Variants in FGF13 observed in about 807,000 individuals in gnomAD.
FGF13 encodes the protein fibroblast growth factor 13.
FGF13 carries 2 observed loss-of-function variants against 19.5 expected under a neutral mutation model. The ratio of observed to expected loss-of-function variants is 0.10; its 90% confidence interval spans 0.04 to 0.32. The LOEUF is 0.32. FGF13 is among the 10% of genes least tolerant of loss of function. The probability of loss-of-function intolerance (pLI) is 1.00; values close to 1 mark genes in which losing one functional copy is unlikely to be tolerated. For missense variants in FGF13, 113 were observed against 192.7 expected (o/e 0.59, Z 2.45); for synonymous variants, 72 against 76.9 (o/e 0.94, Z 0.33).
chrX:139,077,742 TAA>T (rs1277134362), intron 1 of FGF13, among the ~76,000 whole-genome samples: 1 of 112,083 alleles, frequency 8.9e-6, no homozygotes, highest in Non-Finnish European at 1.9e-5. Context: ...GATTGCCACA[TAA>T]GAGTGAATCA....
intron 3 of FGF13, among the ~76,000 whole-genome samples, chrX:138,794,208 T>C (rs1218042158): frequency 8.9e-6 from 1 of 112,056 alleles, no homozygotes; most frequent in Non-Finnish European, 1.9e-5. Flanking sequence ...ACGATAAAAT[T>C]GTTTGGGTGA....
At chrX:138,963,796 G>A (rs1207138687) in intron 1 of FGF13, among the ~76,000 whole-genome samples, 1 of 111,609 alleles carries the variant, frequency 9.0e-6, no homozygotes, top group Non-Finnish European at 1.9e-5. Context: ...CATCCTATTT[G>A]AATGTTTAAA....
chrX:138,635,463 G>A lies in FGF13; in HGVS notation c.595C>T (p.Leu199=), dbSNP rs369966113. 1.7e-6 allele frequency: 2 copies of A among 1,208,830 alleles called. No homozygotes were observed. The highest frequency in any genetic ancestry group is 2.2e-6 in the Non-Finnish European group (2 of 892,885). ...CCCACAATATCAAATGTACCTTTCA[G>A]TGGTTTAGGCAGAAAATGAGCTGCA... ...KPAAHFLPKP[L]KVAMYKEPSL... is the part of the protein sequence containing the mutation. The change falls in exon 4 of 5, where the codon CTG becomes TTG. Residue 199 remains leucine, a synonymous_variant. Transcript: ENST00000315930.
At chrX:138,738,822 C>T (rs112504990) in intron 1 of FGF13, among the ~76,000 whole-genome samples, 11,161 of 111,298 alleles carry the variant, frequency 0.1, 541 homozygotes, top group Non-Finnish European at 0.15. Context: ...CATTAAAAGC[C>T]AATTATAATT....
At chrX:138,931,099 C>T (rs1199557972) in intron 1 of FGF13, among the ~76,000 whole-genome samples, 3 of 112,554 alleles carry the variant, frequency 2.7e-5, no homozygotes, top group Non-Finnish European at 1.9e-5. Flanking sequence ...GCCCTTATGG[C>T]CAATCTTTGG....
At position 138,623,379 on chromosome X, in the gene FGF13, A is replaced by C. The variant is rs770315669; in HGVS notation, c.*9471T>G. ...TTGGAAGATTTTGAGAAGGATTGGT[A>C]TTAGTTTTTCCTCAAATGTTGGGTG... On this transcript the variant is annotated 3_prime_UTR_variant, in exon 5 of 5. Coordinates refer to ENST00000315930, the MANE Select transcript of FGF13 (RefSeq NM_004114.5). 20 of 111,330 alleles carry C rather than the reference A, an allele frequency of 1.8e-4. No homozygotes were observed. Among genetic ancestry groups the C allele is most frequent in the Non-Finnish European group, 3.6e-4 (19 of 53,148 alleles). 9.2% of individuals were successfully genotyped at this position (111,330 alleles called of 1,213,427 possible).
At chrX:138,772,184 GA>G (rs1474360465) in intron 3 of FGF13, among the ~76,000 whole-genome samples, 1 of 106,944 alleles carries the variant, frequency 9.4e-6, no homozygotes, top group East Asian at 2.9e-4. Context: ...ATTTCAACTG[GA>G]AAAAAAGCAA....
chrX:139,105,379 T>C (rs1392723324), intron 1 of FGF13, among the ~76,000 whole-genome samples: 2 of 111,545 alleles, frequency 1.8e-5, no homozygotes, highest in Admixed American at 1.9e-4. Context: ...AGTCCTCTTC[T>C]GGTTGCAACC....
At chrX:139,009,488 G>T (rs767249113) in intron 1 of FGF13, among the ~76,000 whole-genome samples, 1 of 111,689 alleles carries the variant, frequency 9.0e-6, no homozygotes, top group South Asian at 3.7e-4. Context: ...AGGGACTGGG[G>T]CCTTATTTTT....
chrX:138,966,995 A>G (rs1017322325), intron 1 of FGF13, among the ~76,000 whole-genome samples: 1 of 110,640 alleles, frequency 9.0e-6, no homozygotes, highest in Non-Finnish European at 1.9e-5. Flanking sequence ...GGTGCCTTCC[A>G]CCATGATTTT....
At chrX:139,045,004 T>G (rs1359416811) in intron 1 of FGF13, among the ~76,000 whole-genome samples, 2 of 112,371 alleles carry the variant, frequency 1.8e-5, no homozygotes, top group East Asian at 5.6e-4. Flanking sequence ...CTAGTAGATG[T>G]TCTCTGTGGG....
In FGF13 at chrX:138,980,675, GTT is replaced by G. The variant is rs59636336; in HGVS notation, c.-112-116027_-112-116026del. Among the ~76,000 whole-genome samples, 375 of 84,896 alleles carry G rather than the reference GTT, an allele frequency of 4.4e-3. 2 individuals are homozygous for G. The highest frequency in any genetic ancestry group is 0.013 in the Middle Eastern group (2 of 150). 73.7% of individuals were successfully genotyped at this position (84,896 alleles called of 115,157 possible). On this transcript the variant is annotated intron_variant, in intron 1 of 2. Transcript: ENST00000421460. ...CACTATGGATGCTTCCAGAAGTGTG[GTT>G]TTTTTTTTTTTTTTTTTTTTGCATT... is the stretch of plus-strand genomic sequence containing the variant.
At chrX:138,777,766 G>A (rs1221798252) in intron 3 of FGF13, among the ~76,000 whole-genome samples, 1 of 111,386 alleles carries the variant, frequency 9.0e-6, no homozygotes, top group Non-Finnish European at 1.9e-5. Context: ...GAACCTTGAC[G>A]CCAAATCTCA....
At chrX:139,112,971 AGTGTGTGTGTGTGTGT>A (rs748975156) in intron 1 of FGF13, among the ~76,000 whole-genome samples, 101 of 87,741 alleles carry the variant, frequency 1.2e-3, no homozygotes, top group African/African-American at 3.2e-3. Flanking sequence ...TTGATTATGT[AGTGTGTGTGTGTGTGT>A]GTGTGTGTGT....
rs774893319 is a variant in FGF13 at position 138,621,881 on chromosome X, C to G, written c.*10969G>C. On this transcript the variant is annotated 3_prime_UTR_variant, in exon 5 of 5. Transcript: ENST00000315930. Reference sequence around the variant, plus strand: ...TTTCTAGAAACATACCACAACCTAGCAAGACTGAATCATGAATAGAGAATC... The same window carrying G: ...TTTCTAGAAACATACCACAACCTAGGAAGACTGAATCATGAATAGAGAATC... 14 of 110,806 alleles carry G rather than the reference C, an allele frequency of 1.3e-4. No individual in the cohort carries two copies. The highest frequency in any genetic ancestry group is 1.3e-4 in the Non-Finnish European group (7 of 52,790). The allele number at this position is 110,806 out of a possible 1,213,427, so 9.1% of individuals were successfully genotyped here.
At chrX:138,823,902 T>A (rs2091016050) in intron 3 of FGF13, among the ~76,000 whole-genome samples, 1 of 112,128 alleles carries the variant, frequency 8.9e-6, no homozygotes, top group South Asian at 3.7e-4. Context: ...AGGTGAAGCA[T>A]GTGAGTGAAC....
intron 1 of FGF13, among the ~76,000 whole-genome samples, chrX:139,160,871 A>AG (rs1303713128): frequency 8.9e-6 from 1 of 111,949 alleles, no homozygotes; most frequent in Non-Finnish European, 1.9e-5. Flanking sequence ...ACCAACCAAA[A>AG]AAACCCAGGA....
intron 1 of FGF13, among the ~76,000 whole-genome samples, chrX:139,134,944 G>A (rs752110604): frequency 6.3e-5 from 7 of 111,281 alleles, no homozygotes; most frequent in East Asian, 2.8e-4. Flanking sequence ...CACTGCAACC[G>A]GCCTGTCAAG....
At chrX:138,775,383 T>C (rs1036604080) in intron 3 of FGF13, among the ~76,000 whole-genome samples, 1 of 112,480 alleles carries the variant, frequency 8.9e-6, no homozygotes, top group African/African-American at 3.2e-5. Flanking sequence ...TTCATAGTTC[T>C]TGATTTCTTA....
Sources: allele counts gnomAD v4.1 joint callset (sites outside exome capture counted in the v4.1 genomes callset), GRCh38; gene constraint gnomAD v4.1.1; transcripts MANE v1.5; gene names NCBI Gene and HGNC (gene_info 2026-07-23, HGNC 2026-07-21).